VAV2: variants seen among roughly 807,000 people sequenced by gnomAD.
The protein encoded by VAV2 is guanine nucleotide exchange factor VAV2.
In VAV2, 67 loss-of-function variants were observed where a neutral mutation model predicts 132.5. The observed-to-expected ratio is 0.51, with a 90% CI of 0.42 to 0.62. The LOEUF is 0.62. Ranked by LOEUF, VAV2 falls within the 20% of genes least tolerant of loss-of-function variation. The pLI, the probability that VAV2 is intolerant of heterozygous loss-of-function variation, is 0.00. For missense variants in VAV2, 938 were observed against 1,153.6 expected (o/e 0.81, Z 2.71); for synonymous variants, 492 against 443.5 (o/e 1.11, Z -1.37).
At position 133,800,455 on chromosome 9, in the gene VAV2, T is replaced by C. The variant is rs944809761; in HGVS notation, c.837-2646A>G. On this transcript the variant is annotated intron_variant, in intron 9 of 29. Coordinates refer to ENST00000371850, the MANE Select transcript of VAV2 (RefSeq NM_001134398.2). ...CCTGCCCGCATGGAGCCATGTCTGC[T>C]GCTGCTGGGGCTGGGGCCACGCTCG... is the stretch of plus-strand genomic sequence containing the variant. Among the ~76,000 whole-genome samples the C allele has an allele frequency of 2.6e-5, 4 of 152,332 alleles. 1 individual carries two copies. The highest frequency in any genetic ancestry group is 6.8e-3 in the Middle Eastern group (2 of 294).
At chr9:133,848,296 A>AAAAAAAAAAAAAAAAAAAAAC (rs1837027598) in intron 3 of VAV2, among the ~76,000 whole-genome samples, 1 of 151,690 alleles carries the variant, frequency 6.6e-6, no homozygotes, top group African/African-American at 2.4e-5. Context: ...AAAAAAAAAA[A>AAAAAAAAAAAAAAAAAAAAAC]AAAAAAAATC....
At chr9:133,842,032 C>T (rs528535140) in intron 3 of VAV2, among the ~76,000 whole-genome samples, 2 of 152,224 alleles carry the variant, frequency 1.3e-5, no homozygotes, top group Non-Finnish European at 2.9e-5. Flanking sequence ...CTTCCTCCCA[C>T]AGTACATCTG....
At chr9:133,890,015 T>G (rs1234546140) in intron 2 of VAV2, among the ~76,000 whole-genome samples, 2 of 152,142 alleles carry the variant, frequency 1.3e-5, no homozygotes, top group Non-Finnish European at 2.9e-5. Flanking sequence ...CTGGGAAAAT[T>G]AGCTAGTAAC....
intron 2 of VAV2, among the ~76,000 whole-genome samples, chr9:133,901,471 G>A (rs1839439715): frequency 6.6e-6 from 1 of 152,240 alleles, no homozygotes; most frequent in Non-Finnish European, 1.5e-5. Context: ...TCTGACCAGG[G>A]GAGCCTGTCG....
At chr9:133,820,357 G>GCT (rs1835739160) in intron 4 of VAV2, among the ~76,000 whole-genome samples, 1 of 147,116 alleles carries the variant, frequency 6.8e-6, no homozygotes, top group African/African-American at 2.6e-5. Context: ...ACGGAGTCTC[G>GCT]CTGTCGCCCA....
intron 2 of VAV2, among the ~76,000 whole-genome samples, chr9:133,882,833 G>A (rs897901570): frequency 2.1e-5 from 3 of 145,388 alleles, no homozygotes; most frequent in African/African-American, 7.3e-5. Flanking sequence ...AACCCCTGCA[G>A]CAGAGGCAGC....
intron 20 of VAV2, 104 bp downstream of exon 20, chr9:133,780,590 C>T: frequency 8.0e-7 from 1 of 1,254,238 alleles, no homozygotes; most frequent in South Asian, 3.0e-5. Context: ...GCCGGTGTGG[C>T]CCCATGAGTG....
intron 2 of VAV2, among the ~76,000 whole-genome samples, chr9:133,903,464 T>A (rs1839522754): frequency 6.6e-6 from 1 of 152,086 alleles, no homozygotes; most frequent in South Asian, 2.1e-4. Context: ...AGACAGGGGC[T>A]GAAACAACAA....
chr9:133,870,374 A>C (rs572576300), intron 2 of VAV2, among the ~76,000 whole-genome samples: 13 of 152,338 alleles, frequency 8.5e-5, no homozygotes, highest in African/African-American at 2.6e-4. Context: ...AGGGGAATGC[A>C]TGAAAGGAGG....
In VAV2 at chr9:133,804,480, GGGGTGTCGCC is replaced by G. The variant is rs1321751325; in HGVS notation, c.836+1591_836+1600del. On this transcript the variant is annotated intron_variant, in intron 9 of 29. Coordinates refer to ENST00000371850, the MANE Select transcript of VAV2 (RefSeq NM_001134398.2). This position sits in a 1 kb window ranked among gnomAD's most constrained non-coding sequence, Gnocchi z 4.5. ...AGGTCCTGCTGGTGGGACAGGGCCA[GGGGTGTCGCC>G]GGGCAGCCTGACTGTGGAGGGAGGC... 1.3e-5 allele frequency among the ~76,000 whole-genome samples: 2 copies of G among 152,354 alleles called. No homozygotes were observed. Among genetic ancestry groups the G allele is most frequent in the East Asian group, 3.9e-4 (2 of 5,186 alleles).
intron 2 of VAV2, among the ~76,000 whole-genome samples, chr9:133,923,204 T>C (rs1350209487): frequency 6.6e-6 from 1 of 152,164 alleles, no homozygotes; most frequent in South Asian, 2.1e-4. Flanking sequence ...TTGGTGAAGA[T>C]GTGGAGAAAT....
intron 3 of VAV2, among the ~76,000 whole-genome samples, chr9:133,843,397 G>A (rs115495297): frequency 0.03 from 4,498 of 152,180 alleles, 214 homozygotes; most frequent in African/African-American, 0.1. Context: ...TGTAGAGATG[G>A]GGTCTTGCTA....
At chr9:133,860,259 G>A (rs960082759) in intron 3 of VAV2, among the ~76,000 whole-genome samples, 8 of 150,950 alleles carry the variant, frequency 5.3e-5, no homozygotes, top group South Asian at 4.2e-4. Context: ...CCGAGATCGC[G>A]CCACTGCACT....
At chr9:133,870,252 G>A (rs2073830) in intron 2 of VAV2, among the ~76,000 whole-genome samples, 30,373 of 152,058 alleles carry the variant, frequency 0.2, 4,089 homozygotes, top group African/African-American at 0.39. Flanking sequence ...TCTTCTAGGG[G>A]GCCGGCAGAG....
At chr9:133,946,717 A>C (rs979078816) in intron 1 of VAV2, among the ~76,000 whole-genome samples, 1 of 152,226 alleles carries the variant, frequency 6.6e-6, no homozygotes, top group Non-Finnish European at 1.5e-5. Flanking sequence ...TGATCAATAA[A>C]AAAATGGGAA....
intron 4 of VAV2, among the ~76,000 whole-genome samples, chr9:133,827,226 T>C (rs866040077): frequency 0.045 from 3,590 of 78,968 alleles, 737 homozygotes; most frequent in African/African-American, 0.21. Context: ...GCTACTGCTG[T>C]GCCCACTGGG....
intron 2 of VAV2, among the ~76,000 whole-genome samples, chr9:133,897,298 G>A (rs967594353): frequency 4.5e-4 from 68 of 152,290 alleles, no homozygotes; most frequent in African/African-American, 1.5e-3. Context: ...GTCCAGGCGG[G>A]TGCCAGCCTC....
chr9:133,817,484 C>A (rs896147781), intron 4 of VAV2, among the ~76,000 whole-genome samples: 1 of 152,166 alleles, frequency 6.6e-6, no homozygotes, highest in Non-Finnish European at 1.5e-5. Context: ...GAAACCCCAT[C>A]TCTACTAAAA....
chr9:133,920,268 G>A (rs1840249933), intron 2 of VAV2, among the ~76,000 whole-genome samples: 1 of 152,236 alleles, frequency 6.6e-6, no homozygotes, highest in Admixed American at 6.5e-5. Flanking sequence ...AGTCCACAAA[G>A]GGCCACGAAG....
Sources: gnomAD v4.1 joint callset for allele counts (sites outside exome capture counted in the v4.1 genomes callset) on GRCh38, gnomAD v4.1.1 for gene constraint, Gnocchi (gnomAD v3.1) non-coding constraint, MANE v1.5 for transcripts, NCBI Gene and HGNC (gene_info 2026-07-23, HGNC 2026-07-21) for gene names.